SMOC1: variants seen among roughly 807,000 people sequenced by gnomAD.
SMOC1 encodes SPARC-related modular calcium-binding protein 1.
A neutral mutation model predicts 56.3 loss-of-function variants in SMOC1; 22 were observed. The ratio of observed to expected loss-of-function variants is 0.39; its 90% CI spans 0.28 to 0.56. The LOEUF is 0.56. SMOC1 is among the 20% of genes least tolerant of loss of function. The probability of loss-of-function intolerance (pLI) is 0.61; values close to 1 mark genes in which losing one functional copy is unlikely to be tolerated. For missense variants in SMOC1, 509 were observed against 565.4 expected, an observed-to-expected ratio of 0.90 and a Z score of 1.01; for synonymous variants, 193 against 215.0, an observed-to-expected ratio of 0.90 and a Z score of 0.89.
chr14:69,980,728 G>A (rs747514783), intron 5 of SMOC1, among the ~76,000 whole-genome samples: 11 of 152,266 alleles, frequency 7.2e-5, no homozygotes, highest in Middle Eastern at 6.8e-3. Context: ...GCTTGTGCCC[G>A]CACATGGCTT....
At chr14:70,001,672 C>T (rs1322662245) in intron 7 of SMOC1, among the ~76,000 whole-genome samples, 1 of 152,192 alleles carries the variant, frequency 6.6e-6, no homozygotes, top group African/African-American at 2.4e-5. Flanking sequence ...GTTTGCTCCA[C>T]AATGCTACCT....
chr14:69,973,035 A>T (rs1368508467), intron 3 of SMOC1, among the ~76,000 whole-genome samples: 1 of 152,180 alleles, frequency 6.6e-6, no homozygotes, highest in Admixed American at 6.5e-5. Context: ...CTCCTGGGAC[A>T]TGTTTCCCCA....
In SMOC1 at chr14:70,021,931, G is replaced by T. The variant is rs140954701; in HGVS notation, c.1047-1272G>T. On this transcript the variant is annotated intron_variant, in intron 10 of 11. Transcript: ENST00000361956. ...CTTCAGAATGTGCAGACAGGCCTTC[G>T]ACCCTGATCTAGGATCCCTCTGGAA... Among the ~76,000 whole-genome samples, 7 of 152,218 alleles carry T rather than the reference G, an allele frequency of 4.6e-5. No homozygotes were observed. In the East Asian group the frequency reaches 1.4e-3, roughly 29 times the overall value.
chr14:70,017,747 A>G (rs1010264102), intron 10 of SMOC1, among the ~76,000 whole-genome samples: 70 of 152,300 alleles, frequency 4.6e-4, no homozygotes, highest in African/African-American at 1.6e-3. Flanking sequence ...AGAAAAGGGG[A>G]TCATTTCTGG....
rs563254368 is a variant in SMOC1, at chr14:69,945,675, G to A, written c.100-6463G>A. Among the ~76,000 whole-genome samples the A allele has an allele frequency of 1.8e-4, 28 of 152,302 alleles. 1 individual carries two copies. The highest frequency in any genetic ancestry group is 2.1e-4 in the South Asian group (1 of 4,824). ...TGTTTTGCTCCAATAGATAAGTGAAGCAAAAAGGTTGAAAGTGAGTACTTG... is the reference window on the plus strand; with the variant it reads ...TGTTTTGCTCCAATAGATAAGTGAAACAAAAAGGTTGAAAGTGAGTACTTG... On this transcript the variant is annotated intron_variant, in intron 1 of 11. Transcript: ENST00000361956.
intron 7 of SMOC1, among the ~76,000 whole-genome samples, chr14:69,998,233 C>G (rs1884841546): frequency 6.6e-6 from 1 of 152,152 alleles, no homozygotes; most frequent in Non-Finnish European, 1.5e-5. Flanking sequence ...CTTCTTTGCT[C>G]TTCTCTTCAG....
chr14:69,885,718 G>C, intron 1 of SMOC1: 1 of 1,456,316 alleles, frequency 6.9e-7, no homozygotes, highest in African/African-American at 1.4e-5. Context: ...TGGTGACAGT[G>C]TTAACTCCTG....
intron 11 of SMOC1, among the ~76,000 whole-genome samples, chr14:70,024,532 A>G (rs1240190138): frequency 1.3e-5 from 2 of 152,142 alleles, no homozygotes; most frequent in African/African-American, 2.4e-5. Context: ...AAATTTGCCA[A>G]CCCATGGTCT....
At chr14:70,009,735 G>A (rs563310036) in intron 7 of SMOC1, among the ~76,000 whole-genome samples, 1 of 152,340 alleles carries the variant, frequency 6.6e-6, no homozygotes, top group East Asian at 1.9e-4. Context: ...ATGTGTGCAC[G>A]TGTATTTCCA....
intron 1 of SMOC1, among the ~76,000 whole-genome samples, chr14:69,910,795 G>T (rs899979516): frequency 6.6e-6 from 1 of 152,152 alleles, no homozygotes; most frequent in African/African-American, 2.4e-5. Flanking sequence ...GACTTGTAGG[G>T]ATTAACCCTG....
chr14:69,999,497 C>A (rs1278087887), intron 7 of SMOC1, among the ~76,000 whole-genome samples: 1 of 152,188 alleles, frequency 6.6e-6, no homozygotes, highest in Admixed American at 6.5e-5. Context: ...AATGAGTAAT[C>A]CACTAACGTT....
chr14:69,994,109 C>T lies in SMOC1; in HGVS notation c.584-291C>T, dbSNP rs1884675906. 3.0e-5 allele frequency: 14 copies of T among 467,728 alleles called. No individual in the cohort carries two copies. In the South Asian group the frequency reaches 3.2e-4, roughly 11 times the overall value. 29.0% of individuals were successfully genotyped at this position (467,728 alleles called of 1,614,324 possible). Reference sequence around the variant, plus strand: ...AGAGGGACTTGGCTTGGCCCATGTTCCTTACCTCCTGGGATAATATTTTTA... The same window carrying T: ...AGAGGGACTTGGCTTGGCCCATGTTTCTTACCTCCTGGGATAATATTTTTA... On this transcript the variant is annotated intron_variant, in intron 6 of 11. Coordinates refer to ENST00000361956, the MANE Select transcript of SMOC1 (RefSeq NM_001034852.3).
At chr14:69,903,900 T>A (rs1290705002) in intron 1 of SMOC1, among the ~76,000 whole-genome samples, 3 of 139,010 alleles carry the variant, frequency 2.2e-5, no homozygotes, top group African/African-American at 8.2e-5. Context: ...AATGATCAAT[T>A]AAAAAAAAAA....
intron 1 of SMOC1, 39 bp downstream of exon 1, chr14:69,879,816 A>G (rs748587757): frequency 6.6e-7 from 1 of 1,525,612 alleles, no homozygotes; most frequent in East Asian, 2.5e-5. Flanking sequence ...CTGCGGAGGG[A>G]GGGGAGGTTG....
intron 4 of SMOC1, among the ~76,000 whole-genome samples, chr14:69,977,041 G>T (rs1252874743): frequency 1.3e-5 from 2 of 152,192 alleles, no homozygotes; most frequent in Admixed American, 1.3e-4. Context: ...CCTTTCAAAT[G>T]ACCTGGAAAG....
chr14:69,879,953 G>A (rs1365485355), intron 1 of SMOC1, among the ~76,000 whole-genome samples, 176 bp downstream of exon 1: 3 of 152,112 alleles, frequency 2.0e-5, no homozygotes, highest in Non-Finnish European at 4.4e-5. Flanking sequence ...TTCTCCCATT[G>A]GAGCCACCAC....
intron 1 of SMOC1, among the ~76,000 whole-genome samples, chr14:69,891,150 A>C (rs1566662497): frequency 1.3e-5 from 2 of 152,226 alleles, no homozygotes. Flanking sequence ...TAAAGGTTGA[A>C]AGCATGCAAA....
At chr14:70,011,842 A>G (rs1885353544) in intron 9 of SMOC1, among the ~76,000 whole-genome samples, 1 of 152,220 alleles carries the variant, frequency 6.6e-6, no homozygotes, top group South Asian at 2.1e-4. Flanking sequence ...TCTGAGGTCC[A>G]TGAGGACAAT....
intron 1 of SMOC1, among the ~76,000 whole-genome samples, chr14:69,947,787 C>T (rs185900562): frequency 8.5e-4 from 130 of 152,322 alleles, no homozygotes; most frequent in Non-Finnish European, 1.6e-3. Context: ...GTTGCACTAG[C>T]TACATTGCAG....
Sources: allele counts gnomAD v4.1 joint callset (sites outside exome capture counted in the v4.1 genomes callset), GRCh38; gene constraint gnomAD v4.1.1; transcripts MANE v1.5; gene names NCBI Gene and HGNC (gene_info 2026-07-23, HGNC 2026-07-21).